LPAR1: variants seen among roughly 807,000 people sequenced by gnomAD.
LPAR1 encodes the protein LPA receptor 1.
In LPAR1, 5 loss-of-function variants were observed where a neutral mutation model predicts 23.8. The ratio of observed to expected loss-of-function variants is 0.21; its 90% CI spans 0.11 to 0.44. LPAR1 has a LOEUF of 0.44. LPAR1 is among the 20% of genes least tolerant of loss of function. LPAR1 has a pLI of 0.99. For missense variants in LPAR1, 311 were observed against 482.8 expected, an observed-to-expected ratio of 0.64 and a Z score of 3.33; for synonymous variants, 160 against 164.7, an observed-to-expected ratio of 0.97 and a Z score of 0.22.
intron 2 of LPAR1, among the ~76,000 whole-genome samples, chr9:110,989,658 T>G (rs1288286242): frequency 1.3e-5 from 2 of 152,050 alleles, no homozygotes; most frequent in Admixed American, 1.3e-4. Context: ...AATGAAATCA[T>G]AAAGTATACC....
At chr9:110,903,812 C>A (rs534785024) in intron 5 of LPAR1, among the ~76,000 whole-genome samples, 7 of 145,816 alleles carry the variant, frequency 4.8e-5, no homozygotes, top group African/African-American at 1.8e-4. Flanking sequence ...CTGTATAAAT[C>A]TCAAACAGGA....
At chr9:111,005,896 T>C (rs1031966637) in intron 2 of LPAR1, among the ~76,000 whole-genome samples, 1 of 152,206 alleles carries the variant, frequency 6.6e-6, no homozygotes, top group Admixed American at 6.5e-5. Flanking sequence ...TGCCCTGCTA[T>C]ATGCCATCAC....
Position 110,874,020 on chromosome 9 carries a change from T to G in LPAR1, c.*1401A>C, listed in dbSNP as rs1347532393. On this transcript the variant is annotated 3_prime_UTR_variant, in exon 6 of 6. Transcript: ENST00000683809. Reference sequence around the variant, plus strand: ...TTCTTTTGTAAAAAGGTCATTTGACTGGCTTTTCCTCACAACTGCCACCCA... The same window carrying G: ...TTCTTTTGTAAAAAGGTCATTTGACGGGCTTTTCCTCACAACTGCCACCCA... 1 of 152,664 alleles carries G rather than the reference T, an allele frequency of 6.6e-6. No homozygotes were observed. Among genetic ancestry groups the G allele is most frequent in the African/African-American group, 2.4e-5 (1 of 41,462 alleles). 9.5% of individuals were successfully genotyped at this position (152,664 alleles called of 1,614,324 possible). A position where few individuals can be genotyped will look rare whatever the true frequency, so the allele number is the denominator to read the frequency against.
At chr9:110,950,021 T>C (rs2095519369) in intron 4 of LPAR1, among the ~76,000 whole-genome samples, 1 of 152,226 alleles carries the variant, frequency 6.6e-6, no homozygotes, top group African/African-American at 2.4e-5. Context: ...TGACAATCTA[T>C]AATTAGAAGA....
intron 4 of LPAR1, among the ~76,000 whole-genome samples, chr9:110,968,162 C>T (rs965411027): frequency 2.0e-5 from 3 of 152,198 alleles, no homozygotes; most frequent in African/African-American, 4.8e-5. Flanking sequence ...TTCATTAATA[C>T]GGTTTGAAAG....
chr9:111,034,612 T>A (rs907154831), intron 2 of LPAR1, among the ~76,000 whole-genome samples: 1 of 152,172 alleles, frequency 6.6e-6, no homozygotes, highest in Non-Finnish European at 1.5e-5. Context: ...AACCTTTATA[T>A]AATTTGAGTA....
chr9:110,996,374 T>C (rs2097004869), intron 2 of LPAR1, among the ~76,000 whole-genome samples: 2 of 152,044 alleles, frequency 1.3e-5, no homozygotes, highest in Non-Finnish European at 2.9e-5. Context: ...CTGGCCAACA[T>C]AGCAAGATGC....
intron 2 of LPAR1, among the ~76,000 whole-genome samples, chr9:110,975,902 A>G (rs985018740): frequency 1.3e-5 from 2 of 152,242 alleles, no homozygotes; most frequent in Non-Finnish European, 2.9e-5. Flanking sequence ...GCTTTATAAA[A>G]TAGTGTATGC....
chr9:110,931,938 T>C (rs1186843606), intron 5 of LPAR1, among the ~76,000 whole-genome samples: 4 of 152,140 alleles, frequency 2.6e-5, no homozygotes, highest in Non-Finnish European at 4.4e-5. Context: ...TGTAGTATAG[T>C]TTGAAGTCAG....
chr9:111,035,279 A>G (rs139192688), intron 2 of LPAR1, among the ~76,000 whole-genome samples: 2 of 152,116 alleles, frequency 1.3e-5, no homozygotes, highest in Non-Finnish European at 2.9e-5. Context: ...CTGTAGTGCA[A>G]TGGCACAATC....
chr9:110,940,624 CT>C (rs1322118246), intron 5 of LPAR1, among the ~76,000 whole-genome samples: 3 of 152,170 alleles, frequency 2.0e-5, no homozygotes, highest in Non-Finnish European at 1.5e-5. Flanking sequence ...TCACTCTACT[CT>C]CAGCTCCAAA....
At chr9:110,994,203 A>G (rs993885362) in intron 2 of LPAR1, among the ~76,000 whole-genome samples, 1 of 152,218 alleles carries the variant, frequency 6.6e-6, no homozygotes, top group Non-Finnish European at 1.5e-5. Flanking sequence ...AATTTAATCA[A>G]CAGGAAACAT....
chr9:110,947,299 G>T (rs1163682577), intron 4 of LPAR1, among the ~76,000 whole-genome samples: 1 of 152,132 alleles, frequency 6.6e-6, no homozygotes, highest in Non-Finnish European at 1.5e-5. Context: ...CGAAGTTATA[G>T]AATTTCACCC....
Position 110,952,287 on chromosome 9 carries a change from G to C in LPAR1, c.46-10119C>G, listed in dbSNP as rs11999693. Among the ~76,000 whole-genome samples the C allele has an allele frequency of 8.8e-3, 1,340 of 152,168 alleles. 23 individuals carry two copies. Among genetic ancestry groups the C allele is most frequent in the African/African-American group, 0.031 (1,268 of 41,508 alleles). ...CACCAGACTCCAATCCTAGCCACAG[G>C]AGAGCCCCTCAACCCAAAAGGGCCC... On this transcript the variant is annotated intron_variant, in intron 4 of 5. Coordinates refer to ENST00000683809, the MANE Select transcript of LPAR1 (RefSeq NM_001351411.2).
At chr9:110,923,561 T>C (rs1300593421) in intron 5 of LPAR1, among the ~76,000 whole-genome samples, 1 of 152,246 alleles carries the variant, frequency 6.6e-6, no homozygotes, top group East Asian at 1.9e-4. Context: ...GTTCCAAGGT[T>C]ATGTGTATTA....
intron 5 of LPAR1, chr9:110,903,336 G>A (rs943427219): frequency 5.3e-5 from 8 of 151,868 alleles, no homozygotes; most frequent in South Asian, 2.1e-4. Context: ...AAAGAACCAC[G>A]GTGCTCACAG....
intron 5 of LPAR1, among the ~76,000 whole-genome samples, chr9:110,890,619 A>G (rs931985703): frequency 1.3e-5 from 2 of 152,192 alleles, no homozygotes; most frequent in Admixed American, 1.3e-4. Context: ...GCCAGCAAAA[A>G]CTACTCCCTC....
At chr9:110,972,317 A>G in intron 3 of LPAR1, 97 bp from the exon 4 acceptor site, 1 of 574,426 alleles carries the variant, frequency 1.7e-6, no homozygotes, top group South Asian at 2.2e-5. Context: ...CCTAGACATC[A>G]AGTGTCAAAT....
chr9:110,919,783 G>A (rs1433210154), intron 5 of LPAR1, among the ~76,000 whole-genome samples: 1 of 152,232 alleles, frequency 6.6e-6, no homozygotes, highest in Non-Finnish European at 1.5e-5. Context: ...CTGGCCCAAG[G>A]AAATCTGCCT....
Sources: gnomAD v4.1 joint callset for allele counts (sites outside exome capture counted in the v4.1 genomes callset) on GRCh38, gnomAD v4.1.1 for gene constraint, MANE v1.5 for transcripts, NCBI Gene and HGNC (gene_info 2026-07-23, HGNC 2026-07-21) for gene names.